Variants in TAOK1 observed in about 807,000 individuals in gnomAD.
TAOK1 encodes TAO kinase 1.
Under a neutral mutation model 138.3 loss-of-function variants are expected in TAOK1, and 21 were observed. The ratio of observed to expected loss-of-function variants is 0.15; its 90% CI spans 0.11 to 0.22. TAOK1 has a LOEUF of 0.22. Ranked by LOEUF, TAOK1 falls within the 10% of genes least tolerant of loss-of-function variation. The probability of loss-of-function intolerance (pLI) is 1.00; values close to 1 mark genes in which losing one functional copy is unlikely to be tolerated. For synonymous variants in TAOK1, 361 were observed against 398.4 expected (o/e 0.91, Z 1.12); for missense variants, 651 against 1,227.7 (o/e 0.53, Z 7.02).
chr17:29,534,094 TTTC>T (rs752147712), intron 18 of TAOK1, 21 bp from the exon 19 acceptor site: 181 of 1,561,712 alleles, frequency 1.2e-4, no homozygotes, highest in South Asian at 5.9e-4. Context: ...ATCTTTTTTT[TTTC>T]TCTCTCTCTC....
intron 1 of TAOK1, among the ~76,000 whole-genome samples, chr17:29,439,864 T>TAAAAA (rs371960597): frequency 8.5e-6 from 1 of 118,142 alleles, no homozygotes. Flanking sequence ...CTCTGTCTCC[T>TAAAAA]AAAAAAAAAA....
chr17:29,453,052 A>T (rs1366069591), intron 2 of TAOK1, among the ~76,000 whole-genome samples: 2 of 152,000 alleles, frequency 1.3e-5, no homozygotes, highest in African/African-American at 4.8e-5. Flanking sequence ...GCCTAACTGC[A>T]CCACAGCAGC....
At chr17:29,495,773 T>G (rs1191040102) in intron 11 of TAOK1, 46 bp downstream of exon 11, 1 of 1,439,428 alleles carries the variant, frequency 6.9e-7, no homozygotes. Flanking sequence ...TCACTTTTGG[T>G]TTCTTTCCTT....
intron 2 of TAOK1, among the ~76,000 whole-genome samples, chr17:29,462,882 A>G (rs529860100): frequency 3.3e-5 from 5 of 152,172 alleles, no homozygotes; most frequent in Non-Finnish European, 5.9e-5. Context: ...CTTTAGGACT[A>G]CAACTTATTT....
At chr17:29,411,147 A>G (rs950305314) in intron 1 of TAOK1, among the ~76,000 whole-genome samples, 1 of 123,148 alleles carries the variant, frequency 8.1e-6, no homozygotes, top group Non-Finnish European at 1.6e-5. Flanking sequence ...GCTGGAGTGC[A>G]GTGGCGGGAT....
intron 16 of TAOK1, 110 bp downstream of exon 16, chr17:29,517,766 C>A: frequency 1.1e-6 from 1 of 924,872 alleles, no homozygotes; most frequent in Non-Finnish European, 1.6e-6. Context: ...TTGCCTCTGT[C>A]TGAATCATTC....
chr17:29,499,564 C>CTTTTT (rs35629940), intron 12 of TAOK1, among the ~76,000 whole-genome samples: 1 of 90,786 alleles, frequency 1.1e-5, no homozygotes, highest in Non-Finnish European at 2.5e-5. Flanking sequence ...TTCTTTCTTT[C>CTTTTT]TTTTTTTTTT....
At chr17:29,448,802 TAAC>T (rs2030159474) in intron 1 of TAOK1, among the ~76,000 whole-genome samples, 1 of 152,176 alleles carries the variant, frequency 6.6e-6, no homozygotes, top group South Asian at 2.1e-4. Context: ...ATTTATATAA[TAAC>T]TGTAGATGGT....
At chr17:29,495,988 C>A (rs2031405206) in intron 11 of TAOK1, among the ~76,000 whole-genome samples, 1 of 152,104 alleles carries the variant, frequency 6.6e-6, no homozygotes, top group Admixed American at 6.5e-5. Flanking sequence ...TTATGGTACA[C>A]AATGTCATAA....
chr17:29,482,170 T>A, intron 7 of TAOK1, 27 bp from the exon 8 acceptor site: 1 of 1,550,066 alleles, frequency 6.5e-7, no homozygotes, highest in Non-Finnish European at 8.8e-7. Context: ...AAAAAAATCT[T>A]TAATTTAAAT....
At chr17:29,411,118 G>T (rs1274959754) in intron 1 of TAOK1, among the ~76,000 whole-genome samples, 3 of 119,998 alleles carry the variant, frequency 2.5e-5, no homozygotes, top group East Asian at 5.0e-4. Flanking sequence ...TTGAGACGGA[G>T]TCTCGCTCTG....
At chr17:29,398,984 ATTTTTTTT>A (rs529390776) in intron 1 of TAOK1, among the ~76,000 whole-genome samples, 1 of 138,410 alleles carries the variant, frequency 7.2e-6, no homozygotes, top group African/African-American at 2.7e-5. Flanking sequence ...CATTGAGATA[ATTTTTTTT>A]TTTTTTTTTT....
intron 1 of TAOK1, among the ~76,000 whole-genome samples, chr17:29,399,148 C>A (rs997717409): frequency 1.6e-4 from 24 of 151,678 alleles, no homozygotes; most frequent in Non-Finnish European, 3.1e-4. Flanking sequence ...CACTGCCTGG[C>A]TAATTTTTGT....
At chr17:29,530,739 T>C (rs1484340032) in intron 18 of TAOK1, 120 bp downstream of exon 18, 4 of 812,332 alleles carry the variant, frequency 4.9e-6, no homozygotes, top group Non-Finnish European at 8.1e-6. Flanking sequence ...GCTTGGGAAA[T>C]GTGGTGGTGG....
At chr17:29,482,725 T>C (rs1025501991) in intron 8 of TAOK1, among the ~76,000 whole-genome samples, 2 of 151,168 alleles carry the variant, frequency 1.3e-5, no homozygotes, top group Non-Finnish European at 1.5e-5. Context: ...AACAGTTTGA[T>C]ATATATATAT....
intron 1 of TAOK1, among the ~76,000 whole-genome samples, chr17:29,413,394 C>A (rs912530766): frequency 2.0e-5 from 3 of 152,086 alleles, no homozygotes; most frequent in Admixed American, 1.3e-4. Context: ...CTCAGGAGTT[C>A]AGACCAGCTT....
intron 1 of TAOK1, among the ~76,000 whole-genome samples, chr17:29,419,459 G>A (rs1886358387): frequency 6.6e-6 from 1 of 150,916 alleles, no homozygotes; most frequent in African/African-American, 2.4e-5. Flanking sequence ...GCCTCCCAAA[G>A]TGCTGGGAAT....
chr17:29,508,222 T>G (rs2031660917), intron 14 of TAOK1, 90 bp downstream of exon 14: 1 of 1,162,226 alleles, frequency 8.6e-7, no homozygotes, highest in African/African-American at 1.5e-5. Context: ...AGCGTATCTG[T>G]TCCCGTGAAC....
In TAOK1 at chr17:29,551,344, G is replaced by T. The variant is rs1396246093; in HGVS notation, c.*8322G>T. The T allele has an allele frequency of 6.6e-6, 1 of 151,962 alleles. No individual in the cohort carries two copies. The highest frequency in any genetic ancestry group is 1.9e-4 in the East Asian group (1 of 5,202). The allele number at this position is 151,962 out of a possible 1,614,324, so 9.4% of individuals were successfully genotyped here. A position where few individuals can be genotyped will look rare whatever the true frequency, so the allele number is the denominator to read the frequency against. On this transcript the variant is annotated 3_prime_UTR_variant, in exon 20 of 20. Coordinates refer to ENST00000261716, the MANE Select transcript of TAOK1 (RefSeq NM_020791.4). Reference sequence around the variant, plus strand: ...GCTTGGTTTCTTGCCTCCTTTTTTGGCAGCCTTCATCTTCTCATCTCCCAA... The same window carrying T: ...GCTTGGTTTCTTGCCTCCTTTTTTGTCAGCCTTCATCTTCTCATCTCCCAA...
Sources: gnomAD v4.1 joint callset for allele counts (sites outside exome capture counted in the v4.1 genomes callset) on GRCh38, gnomAD v4.1.1 for gene constraint, MANE v1.5 for transcripts, NCBI Gene and HGNC (gene_info 2026-07-23, HGNC 2026-07-21) for gene names.